Variants in AJAP1 observed in about 807,000 individuals in gnomAD.
The protein encoded by AJAP1 is adherens junctions associated protein 1.
In AJAP1, 5 loss-of-function variants were observed where a neutral mutation model predicts 35.0. The ratio of observed to expected loss-of-function variants is 0.14; its 90% CI spans 0.07 to 0.30. AJAP1 has a LOEUF of 0.30. Among genes scored for constraint, AJAP1 ranks in the 10% least tolerant of loss-of-function variants. The probability of loss-of-function intolerance (pLI) is 1.00; values close to 1 mark genes in which losing one functional copy is unlikely to be tolerated. For synonymous variants in AJAP1, 284 were observed against 249.3 expected, an observed-to-expected ratio of 1.14 and a Z score of -1.31; for missense variants, 586 against 571.0, an observed-to-expected ratio of 1.03 and a Z score of -0.27.
intron 1 of AJAP1, among the ~76,000 whole-genome samples, chr1:4,696,950 CTG>C (rs1039706658): frequency 2.0e-5 from 3 of 151,918 alleles, no homozygotes; most frequent in Non-Finnish European, 2.9e-5. Context: ...TCTGCATGTT[CTG>C]TGTGTATGTG....
At chr1:4,781,237 A>C (rs1278193986) in intron 5 of AJAP1, among the ~76,000 whole-genome samples, 1 of 152,164 alleles carries the variant, frequency 6.6e-6, no homozygotes, top group Non-Finnish European at 1.5e-5. Flanking sequence ...AGTCCCAACC[A>C]GAATCACTGC....
chr1:4,763,338 G>C (rs1452232418), intron 2 of AJAP1, among the ~76,000 whole-genome samples: 1 of 152,242 alleles, frequency 6.6e-6, no homozygotes, highest in African/African-American at 2.4e-5. Flanking sequence ...TGAGATGTCA[G>C]CAAAGCATTT....
At chr1:4,770,788 G>A (rs1206776283) in intron 3 of AJAP1, among the ~76,000 whole-genome samples, 6 of 152,192 alleles carry the variant, frequency 3.9e-5, no homozygotes, top group African/African-American at 1.4e-4. Flanking sequence ...TGGGATCAGA[G>A]GAGGTGGGAC....
intron 2 of AJAP1, among the ~76,000 whole-genome samples, chr1:4,766,137 A>G (rs763212907): frequency 2.6e-5 from 4 of 152,228 alleles, no homozygotes; most frequent in Non-Finnish European, 5.9e-5. Flanking sequence ...TGGGCCAAAC[A>G]TGGCCACTGC....
In AJAP1 at chr1:4,787,407, C is replaced by T; in HGVS notation, c.*4922C>T. ...CAGGGGTTGTCTACGTCTCCTCCTC[C>T]TGCGACCCATCACCTACTGGAAAAT... is the stretch of plus-strand genomic sequence containing the variant. On this transcript the variant is annotated 3_prime_UTR_variant, in exon 6 of 6. Transcript: ENST00000378191. The T allele has an allele frequency of 3.4e-6, 1 of 291,444 alleles. No individual in the cohort carries two copies. The highest frequency in any genetic ancestry group is 6.8e-6 in the Non-Finnish European group (1 of 146,766). 18.1% of individuals were successfully genotyped at this position (291,444 alleles called of 1,614,324 possible).
At chr1:4,751,634 T>C (rs114298939) in intron 2 of AJAP1, among the ~76,000 whole-genome samples, 2,683 of 152,356 alleles carry the variant, frequency 0.018, 73 homozygotes, top group South Asian at 0.13. Context: ...GCGCACATTC[T>C]GTCTGGGAGT....
At chr1:4,705,971 A>G (rs1640092086) in intron 1 of AJAP1, among the ~76,000 whole-genome samples, 1 of 152,182 alleles carries the variant, frequency 6.6e-6, no homozygotes, top group Admixed American at 6.5e-5. Flanking sequence ...CTTGAGGGGA[A>G]ACTGGAGATG....
At chr1:4,695,639 C>T (rs1639842550) in intron 1 of AJAP1, among the ~76,000 whole-genome samples, 1 of 152,192 alleles carries the variant, frequency 6.6e-6, no homozygotes, top group Non-Finnish European at 1.5e-5. Context: ...AAGGTGTCTG[C>T]AGGGCTGGTT....
At chr1:4,716,335 G>A (rs1640388243) in intron 2 of AJAP1, among the ~76,000 whole-genome samples, 1 of 152,174 alleles carries the variant, frequency 6.6e-6, no homozygotes, top group Admixed American at 6.5e-5. Flanking sequence ...TGTACATTTG[G>A]GCAACTTGCT....
chr1:4,717,637 T>C, intron 2 of AJAP1, among the ~76,000 whole-genome samples: 1 of 152,202 alleles, frequency 6.6e-6, no homozygotes, highest in Non-Finnish European at 1.5e-5. Context: ...AGGCCTTCCA[T>C]GTCCTTTAGG....
rs1163366395 is a variant in AJAP1 at position 4,655,957 on chromosome 1, C to T, written c.29+503C>T. Reference sequence around the variant, plus strand: ...CGCTCCCCCTTCTCCTTTCTCGGGGCCCCGGGGCTGAGCAGGGGCCTCCCA... The same window carrying T: ...CGCTCCCCCTTCTCCTTTCTCGGGGTCCCGGGGCTGAGCAGGGGCCTCCCA... On this transcript the variant is annotated intron_variant, in intron 1 of 5. Transcript: ENST00000378191. This position sits in a 1 kb window ranked among gnomAD's most constrained non-coding sequence, Gnocchi z 6.9. Among the ~76,000 whole-genome samples, 1 of 152,024 alleles carries T rather than the reference C, an allele frequency of 6.6e-6. No homozygotes were observed. The highest frequency in any genetic ancestry group is 1.9e-4 in the East Asian group (1 of 5,132).
rs1048440934 is a variant in AJAP1, at chr1:4,692,282, G to T, written c.30-19618G>T. 6.6e-6 allele frequency among the ~76,000 whole-genome samples: 1 copy of T among 152,102 alleles called. No individual in the cohort carries two copies. Among genetic ancestry groups the T allele is most frequent in the Non-Finnish European group, 1.5e-5 (1 of 68,012 alleles). ...CAGGACAGGGTTGTCAGGGCTTCTC[G>T]GGCTCCTCACCCCGCGCCCTGGGCT... On this transcript the variant is annotated intron_variant, in intron 1 of 5. Transcript: ENST00000378191. The surrounding 1 kb of genome is among the most constrained non-coding windows in gnomAD (Gnocchi z 4.4).
In AJAP1 at chr1:4,782,725, G is replaced by T; in HGVS notation, c.*240G>T. The T allele has an allele frequency of 2.5e-6, 1 of 398,578 alleles. No homozygotes were observed. Among genetic ancestry groups the T allele is most frequent in the South Asian group, 1.3e-4 (1 of 7,840 alleles). The allele number at this position is 398,578 out of a possible 1,614,324, so 24.7% of individuals were successfully genotyped here. On this transcript the variant is annotated 3_prime_UTR_variant, in exon 6 of 6. Coordinates refer to ENST00000378191, the MANE Select transcript of AJAP1 (RefSeq NM_018836.4). This position sits in a 1 kb window ranked among gnomAD's most constrained non-coding sequence, Gnocchi z 5.3. ...TTTTTGTAAAAATGCTCATGCCTAT[G>T]GGTGACTGCCTTCTCCCAGAGTTTT...
At chr1:4,756,495 C>G (rs74051961) in intron 2 of AJAP1, among the ~76,000 whole-genome samples, 3,941 of 152,278 alleles carry the variant, frequency 0.026, 186 homozygotes, top group African/African-American at 0.089. Context: ...AAGCTAAGCT[C>G]TTTCTCTCCA....
chr1:4,719,629 C>T (rs1640474341), intron 2 of AJAP1, among the ~76,000 whole-genome samples: 1 of 152,060 alleles, frequency 6.6e-6, no homozygotes, highest in Non-Finnish European at 1.5e-5. Context: ...GCCAGGCCTC[C>T]ACCTCCCGGC....
At chr1:4,744,385 A>T (rs1323720346) in intron 2 of AJAP1, among the ~76,000 whole-genome samples, 1 of 152,202 alleles carries the variant, frequency 6.6e-6, no homozygotes, top group Non-Finnish European at 1.5e-5. Context: ...TCAATGAAGA[A>T]ATCAGCAGAG....
intron 2 of AJAP1, among the ~76,000 whole-genome samples, chr1:4,757,220 C>T (rs1424497058): frequency 4.6e-5 from 7 of 152,198 alleles, no homozygotes; most frequent in Non-Finnish European, 8.8e-5. Context: ...CTCCCCTTTC[C>T]GCCTCCCCTG....
chr1:4,779,973 C>G (rs1642028188), intron 5 of AJAP1, among the ~76,000 whole-genome samples: 2 of 151,654 alleles, frequency 1.3e-5, no homozygotes, highest in African/African-American at 4.8e-5. Context: ...GGCGAAACCC[C>G]ATCTCTACTA....
Position 4,712,086 on chromosome 1 carries a change from G to GCGGGTC in AJAP1, c.218_223dup (p.Arg73_Val74dup). 1 of 1,562,702 alleles carries GCGGGTC rather than the reference G, an allele frequency of 6.4e-7. No homozygotes were observed. Among genetic ancestry groups the GCGGGTC allele is most frequent in the Non-Finnish European group, 8.6e-7 (1 of 1,160,850 alleles). On this transcript the variant is annotated inframe_insertion, in exon 2 of 6. Coordinates refer to ENST00000378191, the MANE Select transcript of AJAP1 (RefSeq NM_018836.4). ...GGAGTTTTAGGAGTGGACAGCCAGC[G>GCGGGTC]CGGGTCCCGGCCCCGGTGTGGAGCC...
Sources: allele counts gnomAD v4.1 joint callset (sites outside exome capture counted in the v4.1 genomes callset), GRCh38; gene constraint gnomAD v4.1.1; non-coding constraint Gnocchi (gnomAD v3.1); transcripts MANE v1.5; gene names NCBI Gene and HGNC (gene_info 2026-07-23, HGNC 2026-07-21).